Variants in MPHOSPH9 observed in about 807,000 individuals in gnomAD.
MPHOSPH9 encodes the protein M-phase phosphoprotein 9.
Under a neutral mutation model 145.5 loss-of-function variants are expected in MPHOSPH9, and 88 were observed. That is an observed-to-expected ratio of 0.60 (90% CI 0.51 to 0.72). The LOEUF (loss-of-function observed/expected upper bound fraction) is 0.72. Among genes scored for constraint, MPHOSPH9 ranks in the 30% least tolerant of loss-of-function variants. The pLI is 0.00. For synonymous variants in MPHOSPH9, 435 were observed against 486.2 expected (o/e 0.89, Z 1.39); for missense variants, 1,238 against 1,386.6 (o/e 0.89, Z 1.70).
chr12:123,165,389 G>A lies in MPHOSPH9; in HGVS notation c.2680C>T (p.Pro894Ser). 2 of 1,613,734 alleles carry A rather than the reference G, an allele frequency of 1.2e-6. No homozygotes were observed. The highest frequency in any genetic ancestry group is 1.7e-6 in the Non-Finnish European group (2 of 1,179,814). The change falls in exon 18 of 24, where the codon CCG (proline) becomes TCG (serine). Residue 894 changes from proline to serine, a missense_variant. Physicochemically the swap from Pro to Ser is moderately conservative, Grantham distance 74. Transcript: ENST00000606320. Reference protein sequence around the residue: ...IKKQRETSDTPIMRALKELDE... With the variant: ...IKKQRETSDTSIMRALKELDE... Reference sequence around the variant, plus strand: ...AGTTCTTTTAAAGCTCTCATGATCGGCGTGTCTGAAGTCTCTCTTTGCTTT... The same window carrying A: ...AGTTCTTTTAAAGCTCTCATGATCGACGTGTCTGAAGTCTCTCTTTGCTTT...
chr12:123,226,755 A>C (rs1223323270), intron 3 of MPHOSPH9, among the ~76,000 whole-genome samples: 3 of 151,992 alleles, frequency 2.0e-5, no homozygotes, highest in African/African-American at 4.8e-5. Flanking sequence ...CAGCCTCCCA[A>C]GTAGCTAGGA....
In MPHOSPH9 at chr12:123,161,305, T is replaced by A. The variant is rs1267140168; in HGVS notation, c.3212A>T (p.Lys1071Met). 6.2e-7 allele frequency: 1 copy of A among 1,614,166 alleles called. No homozygotes were observed. The highest frequency in any genetic ancestry group is 1.1e-5 in the South Asian group (1 of 91,080). ...SCPEPVPNGV[K>M]KVSVRTAWEK... is the part of the protein sequence containing the mutation. Reference sequence around the variant, plus strand: ...CCAGGCTGTTCTCACAGATACTTTCTTCACTCCATTTGGCACCGGTTCAGG... The same window carrying A: ...CCAGGCTGTTCTCACAGATACTTTCATCACTCCATTTGGCACCGGTTCAGG... Residue 1071 changes from lysine (K) to methionine (M), a missense_variant, in exon 22 of 24, where the codon AAG becomes ATG. Lys to Met is a moderately conservative substitution (Grantham distance 95, BLOSUM62 -1). Transcript: ENST00000606320.
At chr12:123,236,524 G>T (rs1020117840), upstream of MPHOSPH9, among the ~76,000 whole-genome samples, 2 of 151,678 alleles carry the variant, frequency 1.3e-5, no homozygotes, top group Non-Finnish European at 2.9e-5. Context: ...AGCCCAGGAG[G>T]TCAAGGCTGC....
At chr12:123,207,964 C>T (rs1205556541) in intron 8 of MPHOSPH9, among the ~76,000 whole-genome samples, 1 of 151,530 alleles carries the variant, frequency 6.6e-6, no homozygotes, top group African/African-American at 2.4e-5. Context: ...AATGGGCCAG[C>T]GCAGTGGCTC....
At chr12:123,233,491 T>G (rs2047763798), upstream of MPHOSPH9, 1 of 152,198 alleles carries the variant, frequency 6.6e-6, no homozygotes, top group Non-Finnish European at 1.5e-5. Context: ...GATTTGGATA[T>G]CCCTAGAACG....
At chr12:123,239,578 A>T (rs2138748771) in intron 1 of MPHOSPH9, among the ~76,000 whole-genome samples, 1 of 151,922 alleles carries the variant, frequency 6.6e-6, no homozygotes, top group Non-Finnish European at 1.5e-5. Context: ...AATTTTTTGT[A>T]TTTTTAGTAG....
intron 13 of MPHOSPH9, among the ~76,000 whole-genome samples, chr12:123,183,566 A>G (rs1024927464): frequency 2.0e-5 from 3 of 151,126 alleles, no homozygotes; most frequent in African/African-American, 4.8e-5. Flanking sequence ...AAAAAAAAAA[A>G]AAAAGAAAAA....
rs2047478708 is a variant in MPHOSPH9, at chr12:123,227,541, T to C, written c.180A>G (p.Thr60=). 2 of 1,533,320 alleles carry C rather than the reference T, an allele frequency of 1.3e-6. No homozygotes were observed. Among genetic ancestry groups the C allele is most frequent in the Middle Eastern group, 1.7e-4 (1 of 5,976 alleles). 95.0% of individuals were successfully genotyped at this position (1,533,320 alleles called of 1,614,324 possible). Residue 60 remains threonine, a synonymous_variant, in exon 3 of 24, where the codon ACA becomes ACG. Transcript: ENST00000606320. ...GKTRPSVIQG[T]VEVLTSLMQE... ...GCATTAAAGAAGTTAGGACTTCAAC[T>C]GTACCTTGAATTACAGATGGTCTGG...
intron 5 of MPHOSPH9, among the ~76,000 whole-genome samples, chr12:123,219,470 G>A (rs149790924): frequency 0.02 from 2,905 of 148,942 alleles, 42 homozygotes; most frequent in South Asian, 0.073. Flanking sequence ...GGAGAATGGC[G>A]TGAACCCGGG....
At chr12:123,197,627 C>T (rs2046022214) in intron 12 of MPHOSPH9, among the ~76,000 whole-genome samples, 1 of 151,496 alleles carries the variant, frequency 6.6e-6, no homozygotes, top group African/African-American at 2.4e-5. Flanking sequence ...AGTAAAAACA[C>T]AAAAATTAGC....
Position 123,176,562 on chromosome 12 carries a change from A to G in MPHOSPH9, c.2456+126T>C, listed in dbSNP as rs554213446. 19 of 664,654 alleles carry G rather than the reference A, an allele frequency of 2.9e-5. No homozygotes were observed. The East Asian group carries it at 5.2e-4, about 18-fold the overall frequency. The allele number at this position is 664,654 out of a possible 1,614,324, so 41.2% of individuals were successfully genotyped here. On this transcript the variant is annotated intron_variant, in intron 16 of 23. Transcript: ENST00000606320. ...GTTTACAATGTTCAGTAATTAATCT[A>G]ACACATTTAAGTTCTGTAATGACAT...
intron 7 of MPHOSPH9, among the ~76,000 whole-genome samples, chr12:123,213,633 C>T (rs1387999007): frequency 6.6e-6 from 1 of 152,158 alleles, no homozygotes; most frequent in African/African-American, 2.4e-5. Flanking sequence ...GCCACTGTGC[C>T]CAGCCCATTT....
intron 11 of MPHOSPH9, among the ~76,000 whole-genome samples, chr12:123,199,626 C>G (rs2046128551): frequency 6.6e-6 from 1 of 151,826 alleles, no homozygotes; most frequent in South Asian, 2.1e-4. Context: ...AACCCCGTCT[C>G]TACTAAAATA....
intron 12 of MPHOSPH9, among the ~76,000 whole-genome samples, chr12:123,195,273 CCT>C (rs1388118596): frequency 6.6e-6 from 1 of 151,842 alleles, no homozygotes; most frequent in African/African-American, 2.4e-5. Flanking sequence ...CATTTCATAC[CCT>C]CTCACTATGA....
chr12:123,233,138 AGG>A lies in MPHOSPH9; in HGVS notation c.-224_-223del, dbSNP rs1442307215. 1 of 91,218 alleles carries A rather than the reference AGG, an allele frequency of 1.1e-5. No individual in the cohort carries two copies. The highest frequency in any genetic ancestry group is 4.1e-4 in the East Asian group (1 of 2,430). 5.7% of individuals were successfully genotyped at this position (91,218 alleles called of 1,614,324 possible). ...AGCGGCCTCTCGCGACCGTTACCCG[AGG>A]GAGCGCGCGCGCGCCCGGCGTCTCT... On this transcript the variant is annotated 5_prime_UTR_variant, in exon 1 of 24. Coordinates refer to ENST00000606320, the MANE Select transcript of MPHOSPH9 (RefSeq NM_022782.4).
intron 10 of MPHOSPH9, 50 bp downstream of exon 10, chr12:123,202,574 A>G (rs1248691858): frequency 4.7e-6 from 7 of 1,499,274 alleles, no homozygotes; most frequent in East Asian, 2.3e-5. Context: ...TTTCAATCAG[A>G]TATCACAGAA....
Position 123,223,087 on chromosome 12 carries a change from C to T in MPHOSPH9, c.299G>A (p.Cys100Tyr). ...LQLFNLVEKQ[C>Y]QEQIVAQQEQ... ...CTGCTGGGCAACTATCTGTTCTTGG[C>T]ATTGTTTTTCCACCAAATTGAATAG... Residue 100 changes from cysteine (C) to tyrosine (Y), a missense_variant, in exon 4 of 24, where the codon TGC becomes TAC. Coordinates refer to ENST00000606320, the MANE Select transcript of MPHOSPH9 (RefSeq NM_022782.4). 6.7e-7 allele frequency: 1 copy of T among 1,487,890 alleles called. No homozygotes were observed. The highest frequency in any genetic ancestry group is 8.9e-7 in the Non-Finnish European group (1 of 1,127,692). The allele number at this position is 1,487,890 out of a possible 1,614,324, so 92.2% of individuals were successfully genotyped here.
intron 16 of MPHOSPH9, among the ~76,000 whole-genome samples, chr12:123,174,319 ACT>A: frequency 6.6e-6 from 1 of 150,722 alleles, no homozygotes; most frequent in Non-Finnish European, 1.5e-5. Flanking sequence ...CACTAAACAC[ACT>A]CAGTTTACAT....
At chr12:123,226,847 G>A (rs2047456896) in intron 3 of MPHOSPH9, among the ~76,000 whole-genome samples, 1 of 152,102 alleles carries the variant, frequency 6.6e-6, no homozygotes, top group Admixed American at 6.6e-5. Context: ...ATCTTGCCCA[G>A]GCTAGTCTCA....
Sources: allele counts gnomAD v4.1 joint callset (sites outside exome capture counted in the v4.1 genomes callset), GRCh38; gene constraint gnomAD v4.1.1; transcripts MANE v1.5; gene names NCBI Gene and HGNC (gene_info 2026-07-23, HGNC 2026-07-21).